SGCD: variants seen among roughly 807,000 people sequenced by gnomAD.
SGCD encodes delta-sarcoglycan.
A neutral mutation model predicts 36.6 loss-of-function variants in SGCD; 18 were observed. The observed-to-expected ratio is 0.49, with a 90% confidence interval of 0.34 to 0.73. The LOEUF is 0.73. SGCD is among the 30% of genes least tolerant of loss of function. The probability of loss-of-function intolerance (pLI) is 0.01; values close to 1 mark genes in which losing one functional copy is unlikely to be tolerated. For synonymous variants in SGCD, 133 were observed against 130.6 expected, an observed-to-expected ratio of 1.02 and a Z score of -0.12; for missense variants, 387 against 346.7, an observed-to-expected ratio of 1.12 and a Z score of -0.92.
At chr5:156,640,879 GGA>G (rs1280483166) in intron 6 of SGCD, among the ~76,000 whole-genome samples, 1 of 152,146 alleles carries the variant, frequency 6.6e-6, no homozygotes, top group Non-Finnish European at 1.5e-5. Flanking sequence ...AGCAGCCTGG[GGA>G]GACACAATGG....
intron 3 of SGCD, among the ~76,000 whole-genome samples, chr5:156,379,559 A>G (rs1207601661): frequency 6.6e-6 from 1 of 152,194 alleles, no homozygotes; most frequent in Admixed American, 6.6e-5. Context: ...TGGAACTTTA[A>G]TTTTTAGTGA....
At chr5:156,017,151 TG>T (rs1759001558) in intron 1 of SGCD, among the ~76,000 whole-genome samples, 1 of 152,344 alleles carries the variant, frequency 6.6e-6, no homozygotes, top group East Asian at 1.9e-4. Flanking sequence ...TCTTTTTATA[TG>T]TTTAAAAACC....
At chr5:156,654,790 T>C (rs913776460) in intron 7 of SGCD, among the ~76,000 whole-genome samples, 1 of 152,162 alleles carries the variant, frequency 6.6e-6, no homozygotes, top group African/African-American at 2.4e-5. Flanking sequence ...GTTATAAAAT[T>C]TATACAGATA....
intron 1 of SGCD, among the ~76,000 whole-genome samples, chr5:155,870,713 T>C (rs1419873511): frequency 6.6e-6 from 1 of 152,172 alleles, no homozygotes; most frequent in Admixed American, 6.6e-5. Flanking sequence ...CAATTCTCAA[T>C]ATTTAGAAAC....
intron 3 of SGCD, among the ~76,000 whole-genome samples, chr5:156,375,972 T>G (rs1356646704): frequency 6.6e-6 from 1 of 152,108 alleles, no homozygotes; most frequent in African/African-American, 2.4e-5. Context: ...ATGACAAAAA[T>G]GTAAGATCTA....
intron 2 of SGCD, among the ~76,000 whole-genome samples, chr5:156,339,821 T>C (rs1768552359): frequency 6.6e-6 from 1 of 152,194 alleles, no homozygotes; most frequent in African/African-American, 2.4e-5. Context: ...AATTAAATTA[T>C]TAATTTTTAA....
chr5:156,713,415 G>GT (rs1561871246), intron 7 of SGCD, among the ~76,000 whole-genome samples: 1 of 149,442 alleles, frequency 6.7e-6, no homozygotes, highest in African/African-American at 2.5e-5. Context: ...CATGTCGGGG[G>GT]GGGCGTTATA....
the SGCD span, among the ~76,000 whole-genome samples, chr5:155,753,547 A>G: frequency 2.6e-5 from 4 of 151,188 alleles, no homozygotes; most frequent in Admixed American, 2.0e-4. Context: ...TTGCAAACAC[A>G]TTTTTTTTTC....
chr5:156,102,804 C>T (rs1448889298), intron 1 of SGCD, among the ~76,000 whole-genome samples: 1 of 152,120 alleles, frequency 6.6e-6, no homozygotes, highest in Non-Finnish European at 1.5e-5. Flanking sequence ...CAATGAAAAC[C>T]TATGATTGGG....
At chr5:156,522,721 A>C (rs529267875) in intron 4 of SGCD, among the ~76,000 whole-genome samples, 221 of 148,576 alleles carry the variant, frequency 1.5e-3, no homozygotes, top group African/African-American at 5.4e-3. Context: ...CATTCTGTAC[A>C]TGTACCCCAG....
At chr5:156,009,310 G>A (rs1023116652) in intron 1 of SGCD, among the ~76,000 whole-genome samples, 4 of 152,096 alleles carry the variant, frequency 2.6e-5, no homozygotes, top group Non-Finnish European at 4.4e-5. Flanking sequence ...TTACTTGCCC[G>A]TGTCCCCGCC....
At position 156,026,611 on chromosome 5, in the gene SGCD, A is replaced by G. The variant is rs180815164; in HGVS notation, c.-281-91267A>G. Among the ~76,000 whole-genome samples, 20 of 152,310 alleles carry G rather than the reference A, an allele frequency of 1.3e-4. No homozygotes were observed. The East Asian group carries it at 3.7e-3, about 28-fold the overall frequency. Reference sequence around the variant, plus strand: ...TTTTGTCCTTGGGAAGGCTTAAGTAAAATTTGTTAAGTTTAATCGTCAGCT... The same window carrying G: ...TTTTGTCCTTGGGAAGGCTTAAGTAGAATTTGTTAAGTTTAATCGTCAGCT... On this transcript the variant is annotated intron_variant, in intron 1 of 9. Coordinates refer to the SGCD transcript ENST00000517913.
At chr5:155,918,338 A>G (rs1756799752) in intron 1 of SGCD, among the ~76,000 whole-genome samples, 1 of 152,112 alleles carries the variant, frequency 6.6e-6, no homozygotes. Flanking sequence ...TGAGGCGGGC[A>G]GATCACCTGA....
the SGCD span, chr5:155,845,474 TCTGATCTCGG>T: frequency 6.6e-6 from 1 of 152,434 alleles, no homozygotes; most frequent in Non-Finnish European, 1.5e-5. Context: ...CCTGATCTCG[TCTGATCTCGG>T]AAGCTAAGCA....
chr5:156,259,114 G>GTTTATTTA (rs561763416), intron 3 of SGCD, among the ~76,000 whole-genome samples: 19,449 of 146,626 alleles, frequency 0.13, 1,435 homozygotes, highest in Admixed American at 0.15. Context: ...AACACTGGCT[G>GTTTATTTA]TTTATTTATT....
the SGCD span, among the ~76,000 whole-genome samples, chr5:155,832,896 T>A: frequency 0.044 from 6,701 of 151,980 alleles, 321 homozygotes; most frequent in African/African-American, 0.12. Flanking sequence ...TGCGTACTTG[T>A]CAGTGAGCAT....
intron 3 of SGCD, among the ~76,000 whole-genome samples, chr5:156,204,311 C>T (rs1228960925): frequency 6.6e-6 from 1 of 152,002 alleles, no homozygotes; most frequent in East Asian, 1.9e-4. Context: ...ATGGTGGTGA[C>T]TTTGTAGCTC....
chr5:156,114,902 G>T (rs540476153), intron 1 of SGCD, among the ~76,000 whole-genome samples: 1 of 152,166 alleles, frequency 6.6e-6, no homozygotes, highest in South Asian at 2.1e-4. Flanking sequence ...TGGAGAAAAG[G>T]TGTTCAATAT....
At chr5:156,412,920 T>C (rs7709767) in intron 3 of SGCD, among the ~76,000 whole-genome samples, 149,664 of 150,502 alleles carry the variant, frequency 0.99, 74,418 homozygotes, top group Middle Eastern at 1. Context: ...CTCAGCCTCC[T>C]GAGTAGCTGG....
Sources: gnomAD v4.1 joint callset for allele counts (sites outside exome capture counted in the v4.1 genomes callset) on GRCh38, gnomAD v4.1.1 for gene constraint, MANE v1.5 for transcripts, NCBI Gene and HGNC (gene_info 2026-07-23, HGNC 2026-07-21) for gene names.